Variants in TRMT112 observed in about 807,000 individuals in gnomAD.
The protein encoded by TRMT112 is multifunctional methyltransferase subunit TRM112-like protein.
TRMT112 carries 9 observed loss-of-function variants against 13.8 expected under a neutral mutation model. The observed-to-expected ratio is 0.65, with a 90% CI of 0.39 to 1.14. The LOEUF (loss-of-function observed/expected upper bound fraction) is 1.14. Ranked by LOEUF, TRMT112 falls within the 50% of genes most tolerant of loss-of-function variation. The probability of loss-of-function intolerance (pLI) is 0.01; values close to 1 mark genes in which losing one functional copy is unlikely to be tolerated. For missense variants in TRMT112, 196 were observed against 165.5 expected (o/e 1.18, Z -1.01); for synonymous variants, 64 against 67.0 (o/e 0.96, Z 0.22).
At chr11:64,318,152 C>T (rs993766702), upstream of TRMT112, 41 of 1,597,724 alleles carry the variant, frequency 2.6e-5, no homozygotes, top group Admixed American at 3.5e-5. Flanking sequence ...GTGCCGCTAG[C>T]GGTGCCCCGC....
At chr11:64,318,368 A>G (rs371600628), upstream of TRMT112, 3 of 1,609,294 alleles carry the variant, frequency 1.9e-6, no homozygotes, top group South Asian at 2.2e-5. Flanking sequence ...GAGCCGCTGC[A>G]GCCATGGCCC....
At chr11:64,318,307 G>A (rs1171096092), upstream of TRMT112, 2 of 1,612,660 alleles carry the variant, frequency 1.2e-6, no homozygotes, top group African/African-American at 2.7e-5. Context: ...GCGGCAGCAA[G>A]ACGGTACAGT....
chr11:64,317,664 T>C, upstream of TRMT112: 1 of 994,448 alleles, frequency 1.0e-6, no homozygotes, highest in Non-Finnish European at 1.5e-6. Context: ...CTTCTCGTGT[T>C]TGTGGGAGCT....
chr11:64,318,230 C>G (rs202108463), upstream of TRMT112: 28 of 1,611,746 alleles, frequency 1.7e-5, 1 homozygote, highest in Admixed American at 3.5e-4. Flanking sequence ...GACTAGCTGG[C>G]GTGTGCGCCC....
Position 64,317,472 on chromosome 11 carries a change from G to A in TRMT112, c.55C>T (p.Arg19Cys). ...LSSHVRGVGS[R>C]GFPLRLQATE... ...ACCTGGAGGCGCAGGGGGAAGCCAC[G>A]GGACCCCACCCCCCGCACATGCGAG... The change falls in exon 1 of 4, where the codon CGT (arginine) becomes TGT (cysteine). Residue 19 changes from arginine (R) to cysteine (C), a missense_variant. Physicochemically the swap from Arg to Cys is radical, Grantham distance 180 (BLOSUM62 -3). Transcript: ENST00000544844. 3 of 1,609,016 alleles carry A rather than the reference G, an allele frequency of 1.9e-6. No homozygotes were observed. Among genetic ancestry groups the A allele is most frequent in the South Asian group, 1.1e-5 (1 of 90,596 alleles).
intron 1 of TRMT112, 35 bp from the exon 2 acceptor site, chr11:64,317,400 C>A (rs759280010): frequency 1.2e-5 from 20 of 1,613,916 alleles, no homozygotes; most frequent in Non-Finnish European, 8.5e-7. Context: ...AGCACTGGAC[C>A]CCGGCCCACC....
upstream of TRMT112, chr11:64,317,894 C>T: frequency 7.5e-7 from 1 of 1,329,924 alleles, no homozygotes; most frequent in Non-Finnish European, 9.7e-7. Flanking sequence ...CTGTATCCCA[C>T]TTTCGGTTAA....
Position 64,317,128 on chromosome 11 carries a change from G to C in TRMT112, c.200C>G (p.Pro67Arg). The C allele has an allele frequency of 6.2e-7, 1 of 1,614,110 alleles. No homozygotes were observed. The highest frequency in any genetic ancestry group is 1.1e-5 in the South Asian group (1 of 91,070). ...AADNLRLIQV[P>R]KGPVEGYEEN... ...CTCATATCCCTCAACCGGCCCTTTC[G>C]GCACCTGGATCAGACGCAACTGTGG... Residue 67 changes from proline to arginine, a missense_variant, in exon 3 of 4, where the codon CCG (proline) becomes CGG (arginine). Pro to Arg is a moderately radical substitution (Grantham distance 103). Transcript: ENST00000544844.
rs373334294 is a variant in TRMT112 at position 64,316,866 on chromosome 11, T to A, written c.373A>T (p.Ser125Cys). 6.3e-7 allele frequency: 1 copy of A among 1,579,016 alleles called. No individual in the cohort carries two copies. Among genetic ancestry groups the A allele is most frequent in the African/African-American group, 1.3e-5 (1 of 74,104 alleles). Reference protein sequence around the residue: ...NMLLSEEETES With the variant: ...NMLLSEEETEC The stretch of plus-strand genomic sequence containing the variant: ...AAAACTGGCGCCTGGCACAATCAAC[T>A]CTCAGTTTCCTCTTCACTCAGCAGC... The change falls in exon 4 of 4, where the codon AGT becomes TGT. Residue 125 changes from serine (S) to cysteine (C), a missense_variant. Ser to Cys is a moderately radical substitution (Grantham distance 112, BLOSUM62 -1). Coordinates refer to ENST00000544844, the MANE Select transcript of TRMT112 (RefSeq NM_016404.3).
rs577224688 is a variant in TRMT112 at position 64,317,538 on chromosome 11, A to G, written c.-12T>C. 3.5e-5 allele frequency: 54 copies of G among 1,545,754 alleles called. 1 individual carries two copies. In the African/African-American group the frequency reaches 6.0e-4, roughly 17 times the overall value. Reference sequence around the variant, plus strand: ...GTAAGCAGTTTCATGTCGCCGCACAAACTCTCGCCAGGCCGGAACCGGAAA... The same window carrying G: ...GTAAGCAGTTTCATGTCGCCGCACAGACTCTCGCCAGGCCGGAACCGGAAA... On this transcript the variant is annotated 5_prime_UTR_variant, in exon 1 of 4. Transcript: ENST00000544844.
chr11:64,317,374 C>G lies in TRMT112; in HGVS notation c.79-9G>C, dbSNP rs2035321650. ...ATACGGACCTCGGTGGCCTGCAGGG[C>G]GGAGGAGTTTAGGCAAGCACTGGAC... On this transcript the variant is annotated splice_polypyrimidine_tract_variant and intron_variant, in intron 1 of 3. Transcript: ENST00000544844. The G allele has an allele frequency of 4.3e-6, 7 of 1,614,132 alleles. No individual in the cohort carries two copies. In the African/African-American group the frequency reaches 6.7e-5, roughly 15 times the overall value.
upstream of TRMT112, chr11:64,318,017 T>G: frequency 7.1e-7 from 1 of 1,413,854 alleles, no homozygotes; most frequent in East Asian, 2.7e-5. Flanking sequence ...CATTTGTAGT[T>G]GCGTCGGCTG....
At chr11:64,317,427 G>T in intron 1 of TRMT112, 22 bp downstream of exon 1, 1 of 1,613,458 alleles carries the variant, frequency 6.2e-7, no homozygotes. Context: ...CCCGAAAAGG[G>T]AAGACTGCCG....
rs1041170409 is a variant in TRMT112, at chr11:64,316,529, G to T, written c.*332C>A. 8 of 255,262 alleles carry T rather than the reference G, an allele frequency of 3.1e-5. No individual in the cohort carries two copies. Among genetic ancestry groups the T allele is most frequent in the African/African-American group, 1.4e-4 (6 of 44,114 alleles). 15.8% of individuals were successfully genotyped at this position (255,262 alleles called of 1,614,324 possible). On this transcript the variant is annotated 3_prime_UTR_variant, in exon 4 of 4. Coordinates refer to ENST00000544844, the MANE Select transcript of TRMT112 (RefSeq NM_016404.3). The stretch of plus-strand genomic sequence containing the variant: ...ATCAGCTCCCAACGAGCCTCCTCAG[G>T]GGGTAGGAGAGCACTGCCTCTATGC...
In TRMT112 at chr11:64,317,123, C is replaced by T. The variant is rs2035305688; in HGVS notation, c.205G>A (p.Gly69Arg). Residue 69 changes from glycine to arginine, a missense_variant, in exon 3 of 4, where the codon GGG (glycine) becomes AGG (arginine). By Grantham distance (125) the Gly-to-Arg change is moderately radical. Coordinates refer to ENST00000544844, the MANE Select transcript of TRMT112 (RefSeq NM_016404.3). ...TTCTCCTCATATCCCTCAACCGGCC[C>T]TTTCGGCACCTGGATCAGACGCAAC... The part of the protein sequence containing the change: ...DNLRLIQVPK[G>R]PVEGYEENEE... The T allele has an allele frequency of 6.2e-7, 1 of 1,614,050 alleles. No individual in the cohort carries two copies. Among genetic ancestry groups the T allele is most frequent in the African/African-American group, 1.3e-5 (1 of 74,922 alleles).
Position 64,316,655 on chromosome 11 carries a change from C to CT in TRMT112, c.*205dup, listed in dbSNP as rs2035277315. 2 of 578,090 alleles carry CT rather than the reference C, an allele frequency of 3.5e-6. No homozygotes were observed. Among genetic ancestry groups the CT allele is most frequent in the Admixed American group, 3.1e-5 (1 of 32,184 alleles). 35.8% of individuals were successfully genotyped at this position (578,090 alleles called of 1,614,324 possible). On this transcript the variant is annotated 3_prime_UTR_variant, in exon 4 of 4. Coordinates refer to ENST00000544844, the MANE Select transcript of TRMT112 (RefSeq NM_016404.3). ...CAGAGCCCTTGGCTGTACAGAGACT[C>CT]TATTTTAATGTATATTTGCTGCAAA...
upstream of TRMT112, chr11:64,318,439 C>G (rs2035382576): frequency 6.5e-7 from 1 of 1,549,756 alleles, no homozygotes; most frequent in African/African-American, 1.4e-5. Context: ...CATGGCAATC[C>G]CCGTCCCGCT....
chr11:64,317,430 G>T lies in TRMT112; in HGVS notation c.78+19C>A, dbSNP rs968285613. On this transcript the variant is annotated intron_variant, in intron 1 of 3. Coordinates refer to ENST00000544844, the MANE Select transcript of TRMT112 (RefSeq NM_016404.3). The stretch of plus-strand genomic sequence containing the variant: ...CCCACCATCCCGCCCGAAAAGGGAA[G>T]ACTGCCGCCGGCGGGTACCTGGAGG... 4 of 1,613,230 alleles carry T rather than the reference G, an allele frequency of 2.5e-6. No individual in the cohort carries two copies. The highest frequency in any genetic ancestry group is 3.4e-6 in the Non-Finnish European group (4 of 1,179,602).
upstream of TRMT112, chr11:64,318,053 T>A: frequency 7.0e-7 from 1 of 1,435,360 alleles, no homozygotes; most frequent in Non-Finnish European, 9.1e-7. Context: ...AAACGAGGCG[T>A]GGGTCCCGGA....
Sources: gnomAD v4.1 joint callset for allele counts on GRCh38, gnomAD v4.1.1 for gene constraint, MANE v1.5 for transcripts, NCBI Gene and HGNC (gene_info 2026-07-23, HGNC 2026-07-21) for gene names.